Variants in CATSPERD observed in about 807,000 individuals in gnomAD.
The protein encoded by CATSPERD is catsper channel auxiliary subunit delta, also known as cation channel sperm-associated auxiliary subunit delta.
CATSPERD carries 86 observed loss-of-function variants against 98.1 expected under a neutral mutation model. The ratio of observed to expected loss-of-function variants is 0.88; its 90% confidence interval spans 0.74 to 1.05. The LOEUF (loss-of-function observed/expected upper bound fraction) is 1.05. CATSPERD is among the 50% of genes least tolerant of loss of function. The pLI is 0.00. For missense variants in CATSPERD, 995 were observed against 1,005.7 expected (o/e 0.99, Z 0.14); for synonymous variants, 394 against 390.2 (o/e 1.01, Z -0.12).
Position 5,743,606 on chromosome 19 carries a change from G to A in CATSPERD, c.574-821G>A, listed in dbSNP as rs3120615. On this transcript the variant is annotated intron_variant, in intron 7 of 21. Transcript: ENST00000381624. ...AGAGTGAGACTCCATCTCAAAAAAA[G>A]AAAAAAAGAAAAAAGATAGCAGTCT... 1.3e-3 allele frequency among the ~76,000 whole-genome samples: 184 copies of A among 139,874 alleles called. 1 individual carries two copies. Among genetic ancestry groups the A allele is most frequent in the Middle Eastern group, 3.7e-3 (1 of 272 alleles). The allele number at this position is 139,874 out of a possible 152,430, so 91.8% of individuals were successfully genotyped here. A position where few individuals can be genotyped will look rare whatever the true frequency, so the allele number is the denominator to read the frequency against.
intron 10 of CATSPERD, 59 bp downstream of exon 10, chr19:5,748,314 GC>G: frequency 2.6e-6 from 4 of 1,514,392 alleles, no homozygotes; most frequent in Non-Finnish European, 3.7e-6. Flanking sequence ...TTAACCGTAG[GC>G]CTGCCAGACC....
intron 9 of CATSPERD, among the ~76,000 whole-genome samples, chr19:5,747,326 C>T (rs2056114151): frequency 6.6e-6 from 1 of 151,278 alleles, no homozygotes; most frequent in African/African-American, 2.4e-5. Context: ...GGTGCGCCAC[C>T]ATGCATAACT....
chr19:5,765,467 T>C (rs2056521029), intron 16 of CATSPERD, among the ~76,000 whole-genome samples: 1 of 151,984 alleles, frequency 6.6e-6, no homozygotes, highest in African/African-American at 2.4e-5. Context: ...CATGCATGCG[T>C]GCATTTTTTT....
intron 16 of CATSPERD, among the ~76,000 whole-genome samples, chr19:5,764,235 A>ATTTT (rs56292430): frequency 1.2e-3 from 178 of 147,020 alleles, no homozygotes; most frequent in African/African-American, 3.7e-3. Context: ...CACCTGGCCA[A>ATTTT]TTTTTTTTTT....
At chr19:5,751,873 C>A in intron 12 of CATSPERD, 50 bp downstream of exon 12, 2 of 1,520,740 alleles carry the variant, frequency 1.3e-6, no homozygotes, top group Non-Finnish European at 8.9e-7. Context: ...TTTTTAAAGA[C>A]AAATTCAACC....
intron 7 of CATSPERD, among the ~76,000 whole-genome samples, chr19:5,741,799 T>G (rs58406958): frequency 0.11 from 1,677 of 14,694 alleles, 51 homozygotes; most frequent in Non-Finnish European, 0.17. Flanking sequence ...GGGGGGGGGG[T>G]GGTGTGGATC....
At chr19:5,724,749 G>A in intron 1 of CATSPERD, 59 bp from the exon 2 acceptor site, 2 of 1,537,858 alleles carry the variant, frequency 1.3e-6, no homozygotes, top group East Asian at 4.5e-5. Flanking sequence ...GGCTGAGTAG[G>A]AGGATTCATG....
rs1249439150 is a variant in CATSPERD, at chr19:5,755,098, AC to A, written c.1278+854del. Among the ~76,000 whole-genome samples, 10 of 150,848 alleles carry A rather than the reference AC, an allele frequency of 6.6e-5. No homozygotes were observed. The East Asian group carries it at 1.8e-3, about 27-fold the overall frequency. On this transcript the variant is annotated intron_variant, in intron 13 of 21. Transcript: ENST00000381624. ...ACCTCAGGTGATCCACCCACCTCGG[AC>A]TCCCAAAGTGCTGGGATTACAGGCG... is the stretch of plus-strand genomic sequence containing the variant.
Position 5,766,144 on chromosome 19 carries a change from C to A in CATSPERD, c.1548C>A (p.Ile516=). The change falls in exon 17 of 22, where the codon ATC becomes ATA. Residue 516 remains isoleucine, a synonymous_variant. Transcript: ENST00000381624. ...TTGGCTGCGACCTGGATAAAAAGATCGTCATCCAGAAGTAAGTATGTTGAG... is the reference window on the plus strand; with the variant it reads ...TTGGCTGCGACCTGGATAAAAAGATAGTCATCCAGAAGTAAGTATGTTGAG... ...ISVGCDLDKK[I]VIQNKVSACS... 1.2e-6 allele frequency: 2 copies of A among 1,612,868 alleles called. No homozygotes were observed. Among genetic ancestry groups the A allele is most frequent in the Non-Finnish European group, 1.7e-6 (2 of 1,179,456 alleles).
chr19:5,741,472 G>C (rs1422693052), intron 7 of CATSPERD, among the ~76,000 whole-genome samples: 3 of 152,052 alleles, frequency 2.0e-5, no homozygotes. Flanking sequence ...GGAGGGGCAA[G>C]AGCCACGTCC....
chr19:5,756,021 C>T (rs2056317964), intron 13 of CATSPERD, among the ~76,000 whole-genome samples: 1 of 151,952 alleles, frequency 6.6e-6, no homozygotes, highest in Admixed American at 6.6e-5. Flanking sequence ...TGGCTCACGC[C>T]TGTAATCCCA....
chr19:5,740,649 C>T (rs895993347), intron 7 of CATSPERD, among the ~76,000 whole-genome samples: 4 of 151,376 alleles, frequency 2.6e-5, no homozygotes. Flanking sequence ...CGCCTGTAAT[C>T]CCAGCTATCG....
At chr19:5,753,129 G>C (rs2056252618) in intron 12 of CATSPERD, among the ~76,000 whole-genome samples, 1 of 151,888 alleles carries the variant, frequency 6.6e-6, no homozygotes, top group African/African-American at 2.4e-5. Flanking sequence ...TACCCCTCAG[G>C]ATTACAGGTG....
chr19:5,730,397 C>T (rs1297516199), intron 4 of CATSPERD, among the ~76,000 whole-genome samples: 4 of 151,554 alleles, frequency 2.6e-5, no homozygotes, highest in Non-Finnish European at 4.4e-5. Flanking sequence ...ACAAAAATTA[C>T]CCGGGCGTGG....
intron 16 of CATSPERD, 55 bp downstream of exon 16, chr19:5,763,348 T>C: frequency 2.1e-6 from 3 of 1,443,270 alleles, no homozygotes; most frequent in East Asian, 2.3e-5. Context: ...TTAAGACTCA[T>C]GGAAGCTGGC....
At chr19:5,769,812 G>T (rs1402409055) in intron 18 of CATSPERD, among the ~76,000 whole-genome samples, 1 of 152,104 alleles carries the variant, frequency 6.6e-6, no homozygotes, top group African/African-American at 2.4e-5. Flanking sequence ...GTTTTGGCCG[G>T]GCAGGGTGGC....
At chr19:5,753,260 C>G (rs2056254946) in intron 12 of CATSPERD, among the ~76,000 whole-genome samples, 1 of 151,794 alleles carries the variant, frequency 6.6e-6, no homozygotes, top group Non-Finnish European at 1.5e-5. Flanking sequence ...CAGCTCTACT[C>G]TAAAGAAACA....
intron 9 of CATSPERD, among the ~76,000 whole-genome samples, chr19:5,746,952 C>T (rs1350059320): frequency 6.6e-6 from 1 of 151,898 alleles, no homozygotes; most frequent in Non-Finnish European, 1.5e-5. Flanking sequence ...TCAAACGATC[C>T]TCCCATCTCA....
chr19:5,751,883 C>A (rs1277700324), intron 12 of CATSPERD, 60 bp downstream of exon 12: 14 of 1,501,438 alleles, frequency 9.3e-6, no homozygotes, highest in Admixed American at 1.9e-5. Context: ...CAAATTCAAC[C>A]TGGGCATGGT....
Sources: gnomAD v4.1 joint callset for allele counts (sites outside exome capture counted in the v4.1 genomes callset) on GRCh38, gnomAD v4.1.1 for gene constraint, MANE v1.5 for transcripts, NCBI Gene and HGNC (gene_info 2026-07-23, HGNC 2026-07-21) for gene names.